SDCCAG8: variants seen among roughly 807,000 people sequenced by gnomAD.
SDCCAG8 encodes SHH signaling and ciliogenesis regulator SDCCAG8.
SDCCAG8 carries 74 observed loss-of-function variants against 101.8 expected under a neutral mutation model. The observed-to-expected ratio is 0.73, with a 90% CI of 0.60 to 0.88. The LOEUF is 0.88. SDCCAG8 is among the 40% of genes least tolerant of loss of function. The probability of loss-of-function intolerance (pLI) is 0.00; values close to 1 mark genes in which losing one functional copy is unlikely to be tolerated. For synonymous variants in SDCCAG8, 281 were observed against 292.9 expected, an observed-to-expected ratio of 0.96 and a Z score of 0.41; for missense variants, 787 against 822.6, an observed-to-expected ratio of 0.96 and a Z score of 0.53.
chr1:243,285,809 A>G (rs1161963501), intron 4 of SDCCAG8, among the ~76,000 whole-genome samples: 6 of 152,168 alleles, frequency 3.9e-5, no homozygotes, highest in African/African-American at 1.4e-4. Context: ...ATTCTCTCTT[A>G]TTTGGCTACC....
intron 16 of SDCCAG8, among the ~76,000 whole-genome samples, chr1:243,433,356 GA>G (rs914707825): frequency 0.066 from 4,306 of 65,030 alleles, 105 homozygotes; most frequent in African/African-American, 0.15. Context: ...CGTCTCAAAA[GA>G]AAAAAAAAAA....
At chr1:243,452,459 G>A (rs2083443422) in intron 16 of SDCCAG8, among the ~76,000 whole-genome samples, 1 of 108,368 alleles carries the variant, frequency 9.2e-6, no homozygotes, top group South Asian at 3.1e-4. Flanking sequence ...ATCTGGCTCT[G>A]TTACCCAAGC....
chr1:243,342,938 A>G (rs933219536), intron 11 of SDCCAG8, among the ~76,000 whole-genome samples: 1 of 152,138 alleles, frequency 6.6e-6, no homozygotes, highest in Non-Finnish European at 1.5e-5. Context: ...TATTTTTAAA[A>G]TTACTTTTAA....
chr1:243,282,186 A>G (rs1190465673), intron 4 of SDCCAG8, among the ~76,000 whole-genome samples: 1 of 151,644 alleles, frequency 6.6e-6, no homozygotes, highest in African/African-American at 2.4e-5. Flanking sequence ...TTCACATATC[A>G]ATTGATCAAT....
intron 16 of SDCCAG8, chr1:243,487,788 T>C (rs1436716298): frequency 3.3e-5 from 5 of 151,650 alleles, no homozygotes; most frequent in Non-Finnish European, 7.4e-5. Flanking sequence ...CTGGGCGGGG[T>C]CCTAGGCTGC....
chr1:243,405,466 TGCCTTCTGTTTCTA>T (rs1458472154), intron 13 of SDCCAG8, among the ~76,000 whole-genome samples: 1 of 152,232 alleles, frequency 6.6e-6, no homozygotes, highest in Non-Finnish European at 1.5e-5. Flanking sequence ...TATTATTGAA[TGCCTTCTGTTTCTA>T]GCCACTCTAT....
chr1:243,417,993 C>T lies in SDCCAG8; in HGVS notation c.1770C>T (p.Thr590=), dbSNP rs2080721977. 2 of 1,612,036 alleles carry T rather than the reference C, an allele frequency of 1.2e-6. No homozygotes were observed. The highest frequency in any genetic ancestry group is 1.3e-5 in the African/African-American group (1 of 74,922). The part of the protein sequence containing the change: ...KTENEQYLLL[T]SQNTFLTKLK... Reference sequence around the variant, plus strand: ...AAAATGAACAGTATTTGTTGCTGACCTCCCAGAATACATTTTTGACAAAGT... The same window carrying T: ...AAAATGAACAGTATTTGTTGCTGACTTCCCAGAATACATTTTTGACAAAGT... Residue 590 remains threonine (T), a synonymous_variant, in exon 15 of 18, where the codon ACC becomes ACT. Coordinates refer to ENST00000366541, the MANE Select transcript of SDCCAG8 (RefSeq NM_006642.5).
chr1:243,481,798 A>G (rs1196663638), intron 16 of SDCCAG8, among the ~76,000 whole-genome samples: 1 of 152,154 alleles, frequency 6.6e-6, no homozygotes, highest in Non-Finnish European at 1.5e-5. Context: ...CAAACCCAAA[A>G]CAAAACCCCA....
chr1:243,307,477 G>A (rs2072266810), intron 7 of SDCCAG8: 7 of 983,628 alleles, frequency 7.1e-6, no homozygotes, highest in Admixed American at 6.2e-5. Flanking sequence ...AGAAAAATGG[G>A]CAGTAATAAA....
At position 243,405,626 on chromosome 1, in the gene SDCCAG8, A is replaced by G. The variant is rs574974694; in HGVS notation, c.1617-10076A>G. Reference sequence around the variant, plus strand: ...AAGGAGAGCTTATTGTATTTGGTATAGTTTGCTTAAGAAAGCAGACATAAT... The same window carrying G: ...AAGGAGAGCTTATTGTATTTGGTATGGTTTGCTTAAGAAAGCAGACATAAT... On this transcript the variant is annotated intron_variant, in intron 13 of 17. Coordinates refer to ENST00000366541, the MANE Select transcript of SDCCAG8 (RefSeq NM_006642.5). 1.3e-4 allele frequency among the ~76,000 whole-genome samples: 20 copies of G among 152,314 alleles called. No individual in the cohort carries two copies. The South Asian group carries it at 3.7e-3, about 28-fold the overall frequency.
chr1:243,457,803 TC>T (rs1392670468), intron 16 of SDCCAG8, among the ~76,000 whole-genome samples: 1 of 152,332 alleles, frequency 6.6e-6, no homozygotes, highest in East Asian at 1.9e-4. Flanking sequence ...CACTCTCCAA[TC>T]CCTCTGTTAA....
At chr1:243,452,484 G>A (rs12743377) in intron 16 of SDCCAG8, among the ~76,000 whole-genome samples, 14,452 of 142,446 alleles carry the variant, frequency 0.1, 835 homozygotes, top group Non-Finnish European at 0.14. Context: ...GTGCAGTGGT[G>A]CAGTCACAGC....
chr1:243,478,002 T>C (rs1183332166), intron 16 of SDCCAG8, among the ~76,000 whole-genome samples: 2 of 152,238 alleles, frequency 1.3e-5, no homozygotes, highest in Non-Finnish European at 1.5e-5. Flanking sequence ...TAGTCTACAA[T>C]AGATTGGAAA....
chr1:243,347,111 C>T (rs2075764424), intron 12 of SDCCAG8, among the ~76,000 whole-genome samples: 1 of 152,016 alleles, frequency 6.6e-6, no homozygotes, highest in South Asian at 2.1e-4. Flanking sequence ...TACTTCTGTC[C>T]TCATCGTCAC....
At chr1:243,489,275 CTG>C in intron 17 of SDCCAG8, 135 bp downstream of exon 17, 1 of 1,218,618 alleles carries the variant, frequency 8.2e-7, no homozygotes, top group South Asian at 1.5e-5. Flanking sequence ...GTCCCGAAGA[CTG>C]TGCTGGGCAC....
chr1:243,390,292 A>G (rs554155673), intron 13 of SDCCAG8, among the ~76,000 whole-genome samples: 1 of 152,362 alleles, frequency 6.6e-6, no homozygotes, highest in Non-Finnish European at 1.5e-5. Flanking sequence ...TATATGTGCA[A>G]CCAACATCTT....
At chr1:243,499,605 A>G in intron 17 of SDCCAG8, 151 bp from the exon 18 acceptor site, 1 of 709,666 alleles carries the variant, frequency 1.4e-6, no homozygotes, top group Non-Finnish European at 2.5e-6. Flanking sequence ...ATGAGGCACA[A>G]ACTTTTCATA....
chr1:243,371,708 T>C (rs1389359217), intron 12 of SDCCAG8, among the ~76,000 whole-genome samples: 2 of 152,166 alleles, frequency 1.3e-5, no homozygotes, highest in Non-Finnish European at 2.9e-5. Context: ...AATATCCTTT[T>C]GTTCACATAG....
chr1:243,279,432 A>G (rs569045906), intron 4 of SDCCAG8, among the ~76,000 whole-genome samples: 23 of 152,374 alleles, frequency 1.5e-4, no homozygotes, highest in African/African-American at 4.8e-4. Context: ...GCTCACTGCC[A>G]CTGCTGCTGC....
Sources: gnomAD v4.1 joint callset for allele counts (sites outside exome capture counted in the v4.1 genomes callset) on GRCh38, gnomAD v4.1.1 for gene constraint, MANE v1.5 for transcripts, NCBI Gene and HGNC (gene_info 2026-07-23, HGNC 2026-07-21) for gene names.